The following GPHN variants were observed in gnomAD, a reference collection of about 807,000 sequenced individuals.
GPHN encodes gephyrin.
A neutral mutation model predicts 95.5 loss-of-function variants in GPHN; 17 were observed. That is an observed-to-expected ratio of 0.18 (90% CI 0.12 to 0.27). The LOEUF (loss-of-function observed/expected upper bound fraction) is 0.27. GPHN is among the 10% of genes least tolerant of loss of function. The probability of loss-of-function intolerance (pLI) is 1.00; values close to 1 mark genes in which losing one functional copy is unlikely to be tolerated. For synonymous variants in GPHN, 320 were observed against 322.5 expected (o/e 0.99, Z 0.08); for missense variants, 660 against 978.1 (o/e 0.67, Z 4.34).
intron 1 of GPHN, among the ~76,000 whole-genome samples, chr14:66,543,896 T>C (rs986823505): frequency 3.9e-5 from 6 of 152,178 alleles, no homozygotes; most frequent in African/African-American, 4.8e-5. Flanking sequence ...CCTTTTGCAG[T>C]CTTTTCCAAA....
the GPHN span, among the ~76,000 whole-genome samples, chr14:67,355,347 A>G: frequency 6.6e-6 from 1 of 150,656 alleles, no homozygotes; most frequent in Non-Finnish European, 1.5e-5. Flanking sequence ...ACCAAAGTCA[A>G]GCAGAAACTG....
At chr14:66,747,414 T>C (rs1018707292) in intron 2 of GPHN, among the ~76,000 whole-genome samples, 1 of 152,082 alleles carries the variant, frequency 6.6e-6, no homozygotes, top group African/African-American at 2.4e-5. Flanking sequence ...TGAGATAAAG[T>C]TTGTGGAAGA....
chr14:67,026,587 T>C (rs757641941), intron 10 of GPHN, among the ~76,000 whole-genome samples: 1 of 152,196 alleles, frequency 6.6e-6, no homozygotes, highest in Non-Finnish European at 1.5e-5. Flanking sequence ...AAATGGTATA[T>C]GAGTTGAAGC....
chr14:66,894,234 C>A (rs1029998049), intron 5 of GPHN, among the ~76,000 whole-genome samples: 4 of 152,104 alleles, frequency 2.6e-5, no homozygotes, highest in African/African-American at 9.7e-5. Flanking sequence ...TGATCCTGGG[C>A]AAACCTGACA....
At chr14:67,640,486 TTA>T in the GPHN span, among the ~76,000 whole-genome samples, 1 of 152,216 alleles carries the variant, frequency 6.6e-6, no homozygotes, top group African/African-American at 2.4e-5. Context: ...CCTCAAATTT[TTA>T]TATTTCTTCA....
chr14:67,092,558 C>T (rs555059574), intron 12 of GPHN, among the ~76,000 whole-genome samples: 1 of 152,190 alleles, frequency 6.6e-6, no homozygotes, highest in East Asian at 1.9e-4. Context: ...CCTTCAGAAA[C>T]ATGTGGGATA....
At chr14:66,628,032 G>T (rs1595308011) in intron 1 of GPHN, among the ~76,000 whole-genome samples, 1 of 152,102 alleles carries the variant, frequency 6.6e-6, no homozygotes, top group Non-Finnish European at 1.5e-5. Context: ...GAGTCAGTCA[G>T]CTCTTGGTAG....
the GPHN span, chr14:67,692,436 A>G: frequency 6.2e-7 from 1 of 1,614,060 alleles, no homozygotes; most frequent in Admixed American, 1.7e-5. Context: ...TTCTACACTT[A>G]CCAGCTAAGA....
chr14:66,745,542 A>G (rs2058109276), intron 2 of GPHN, among the ~76,000 whole-genome samples: 1 of 152,068 alleles, frequency 6.6e-6, no homozygotes, highest in African/African-American at 2.4e-5. Context: ...ATTATAAATG[A>G]TAATTTGATA....
chr14:66,941,682 G>GT (rs766521538), intron 8 of GPHN, among the ~76,000 whole-genome samples: 5 of 146,622 alleles, frequency 3.4e-5, no homozygotes, highest in Non-Finnish European at 7.5e-5. Flanking sequence ...CAAAGCCTTG[G>GT]TAAAAAAAAA....
chr14:67,551,383 C>T, the GPHN span, among the ~76,000 whole-genome samples: 1 of 152,130 alleles, frequency 6.6e-6, no homozygotes, highest in Admixed American at 6.5e-5. Flanking sequence ...TTTCTGAATG[C>T]CAAGCCATGC....
the GPHN span, among the ~76,000 whole-genome samples, chr14:67,513,435 A>AGTTTT: frequency 1.3e-5 from 2 of 152,030 alleles, no homozygotes; most frequent in African/African-American, 4.8e-5. Flanking sequence ...TTCTCCTGCT[A>AGTTTT]CTCCTTATTG....
At chr14:67,060,334 G>C (rs183961732) in intron 11 of GPHN, among the ~76,000 whole-genome samples, 1 of 151,828 alleles carries the variant, frequency 6.6e-6, no homozygotes, top group African/African-American at 2.4e-5. Flanking sequence ...GTTGTCACTT[G>C]TACTTGAGCA....
At chr14:67,333,071 G>A in the GPHN span, 1 of 893,322 alleles carries the variant, frequency 1.1e-6, no homozygotes. Context: ...AGTATAAGCT[G>A]TAGATCTGTT....
chr14:67,332,127 CA>C, the GPHN span, among the ~76,000 whole-genome samples: 1 of 152,130 alleles, frequency 6.6e-6, no homozygotes, highest in African/African-American at 2.4e-5. Flanking sequence ...TCTTCATTGG[CA>C]GGGGTGATTT....
At chr14:67,138,263 T>A (rs1199193905) in intron 17 of GPHN, among the ~76,000 whole-genome samples, 1 of 152,186 alleles carries the variant, frequency 6.6e-6, no homozygotes, top group Non-Finnish European at 1.5e-5. Flanking sequence ...ATGTATTTTT[T>A]AAAAACATTA....
chr14:67,364,996 G>C, the GPHN span: 1 of 1,591,452 alleles, frequency 6.3e-7, no homozygotes, highest in Non-Finnish European at 8.6e-7. Flanking sequence ...CATTAGGGTG[G>C]ACAAAGAAAA....
At chr14:67,325,005 C>T in the GPHN span, among the ~76,000 whole-genome samples, 1 of 145,928 alleles carries the variant, frequency 6.9e-6, no homozygotes, top group Admixed American at 7.1e-5. Context: ...CCCAGGTTCA[C>T]GCCATTCTCC....
intron 2 of GPHN, among the ~76,000 whole-genome samples, chr14:66,728,207 G>A (rs2071427294): frequency 6.6e-6 from 1 of 152,088 alleles, no homozygotes; most frequent in African/African-American, 2.4e-5. Flanking sequence ...GAGGATGGAT[G>A]GAAATGCCTG....
Sources: gnomAD v4.1 joint callset for allele counts (sites outside exome capture counted in the v4.1 genomes callset) on GRCh38, gnomAD v4.1.1 for gene constraint, MANE v1.5 for transcripts, NCBI Gene and HGNC (gene_info 2026-07-23, HGNC 2026-07-21) for gene names.